TUBB4A: variants seen among roughly 807,000 people sequenced by gnomAD.
TUBB4A encodes tubulin beta-4A chain.
Under a neutral mutation model 35.1 loss-of-function variants are expected in TUBB4A, and 13 were observed. The ratio of observed to expected loss-of-function variants is 0.37; its 90% CI spans 0.24 to 0.59. The LOEUF (loss-of-function observed/expected upper bound fraction) is 0.59, where lower values mean the gene tolerates loss of function less well. Ranked by LOEUF, TUBB4A falls within the 20% of genes least tolerant of loss-of-function variation. The pLI is 0.71. For missense variants in TUBB4A, 299 were observed against 647.2 expected, an observed-to-expected ratio of 0.46 and a Z score of 5.84; for synonymous variants, 279 against 272.4, an observed-to-expected ratio of 1.02 and a Z score of -0.24.
In TUBB4A at chr19:6,502,302, C is replaced by T. The variant is rs951512824; in HGVS notation, c.-90G>A. The T allele has an allele frequency of 2.2e-6, 3 of 1,385,138 alleles. No individual in the cohort carries two copies. Among genetic ancestry groups the T allele is most frequent in the Non-Finnish European group, 1.9e-6 (2 of 1,061,004 alleles). 85.8% of individuals were successfully genotyped at this position (1,385,138 alleles called of 1,614,324 possible). A position where few individuals can be genotyped will look rare whatever the true frequency, so the allele number is the denominator to read the frequency against. On this transcript the variant is annotated 5_prime_UTR_variant, in exon 1 of 4. Transcript: ENST00000264071. ...AGGGTGGAAGATGCGGCGGAGACGG[C>T]GGAGCACGGTCCCTGCGCCCCCGGG...
chr19:6,501,095 TG>T lies in TUBB4A; in HGVS notation c.277+191del. The T allele has an allele frequency of 5.4e-6, 3 of 555,168 alleles. No individual in the cohort carries two copies. Among genetic ancestry groups the T allele is most frequent in the Non-Finnish European group, 9.6e-6 (3 of 313,788 alleles). The allele number at this position is 555,168 out of a possible 1,614,324, so 34.4% of individuals were successfully genotyped here. On this transcript the variant is annotated intron_variant, in intron 3 of 3. Transcript: ENST00000264071. This position sits in a 1 kb window ranked among gnomAD's most constrained non-coding sequence, Gnocchi z 4.2. ...AGGAAGACTTCCCTGAATCCTTCTC[TG>T]TATCCGCCCTCCTCAGGGCTCTCAC...
In TUBB4A at chr19:6,494,491, T is replaced by C. The variant is rs1053377; in HGVS notation, c.*673A>G. ...GGAGGATGCATGGGGCCTGTGGGAA[T>C]CAGAGAGAAGCTGGGGTCAGAGGTA... is the stretch of plus-strand genomic sequence containing the variant. On this transcript the variant is annotated 3_prime_UTR_variant, in exon 4 of 4. Coordinates refer to ENST00000264071, the MANE Select transcript of TUBB4A (RefSeq NM_006087.4). The C allele has an allele frequency of 0.56, 83,810 of 149,538 alleles. 24,583 individuals carry two copies. The highest frequency in any genetic ancestry group is 0.65 in the Non-Finnish European group (44,607 of 68,638). 9.3% of individuals were successfully genotyped at this position (149,538 alleles called of 1,614,324 possible). A position where few individuals can be genotyped will look rare whatever the true frequency, so the allele number is the denominator to read the frequency against.
rs771512160 is a variant in TUBB4A, at chr19:6,501,650, TGA to T, written c.58-29_58-28del. ...TAGAGAGAGAGGTGGTCGGAAGAGTTGAGAGAGGGGAAGCCGGTGGCCAAGCC... is the reference window on the plus strand; with the variant it reads ...TAGAGAGAGAGGTGGTCGGAAGAGTTGAGAGGGGAAGCCGGTGGCCAAGCC... On this transcript the variant is annotated intron_variant, in intron 1 of 3. Coordinates refer to ENST00000264071, the MANE Select transcript of TUBB4A (RefSeq NM_006087.4). This position sits in a 1 kb window ranked among gnomAD's most constrained non-coding sequence, Gnocchi z 4.2. 7 of 1,596,914 alleles carry T rather than the reference TGA, an allele frequency of 4.4e-6. No individual in the cohort carries two copies. The South Asian group carries it at 4.5e-5, about 10-fold the overall frequency.
intron 3 of TUBB4A, among the ~76,000 whole-genome samples, chr19:6,498,354 G>GGT (rs1914366810): frequency 6.6e-6 from 1 of 152,016 alleles, no homozygotes; most frequent in African/African-American, 2.4e-5. Flanking sequence ...CCTCTGTCCT[G>GGT]GTCCCCTGGC....
chr19:6,496,340 T>C lies in TUBB4A; in HGVS notation c.278-119A>G, dbSNP rs114573180. 2,733 of 1,023,306 alleles carry C rather than the reference T, an allele frequency of 2.7e-3. 47 individuals carry two copies. In the African/African-American group the frequency reaches 0.03, roughly 11 times the overall value. The allele number at this position is 1,023,306 out of a possible 1,614,324, so 63.4% of individuals were successfully genotyped here. ...GAATACTAGTAACTATCAAAAATAA[T>C]AACAAATAGCCGGGTGCGGTGGCTC... On this transcript the variant is annotated intron_variant, in intron 3 of 3. Transcript: ENST00000264071.
At chr19:6,496,861 C>CG (rs1914225735) in intron 3 of TUBB4A, among the ~76,000 whole-genome samples, 1 of 145,408 alleles carries the variant, frequency 6.9e-6, no homozygotes, top group Non-Finnish European at 1.5e-5. Context: ...CGCCCCCTGC[C>CG]TAAAAAAAAA....
At chr19:6,502,354 G>C, upstream of TUBB4A, 2 of 927,668 alleles carry the variant, frequency 2.2e-6, no homozygotes, top group Non-Finnish European at 3.0e-6. Context: ...GGCGGGGCAC[G>C]CGTCACGGCC....
intron 3 of TUBB4A, among the ~76,000 whole-genome samples, chr19:6,499,183 C>G (rs540917306): frequency 2.0e-5 from 3 of 152,208 alleles, no homozygotes; most frequent in African/African-American, 7.2e-5. Flanking sequence ...AAAAAATTAG[C>G]TAGGTGTGGT....
rs1268536937 is a variant in TUBB4A at position 6,494,549 on chromosome 19, G to A, written c.*615C>T. ...ACGCTGTGGGGGGTGGGGGGTGAAA[G>A]GTGAGGCAAGGTCAAAGGTGAACTG... On this transcript the variant is annotated 3_prime_UTR_variant, in exon 4 of 4. Coordinates refer to ENST00000264071, the MANE Select transcript of TUBB4A (RefSeq NM_006087.4). 6.4e-6 allele frequency: 1 copy of A among 155,192 alleles called. No homozygotes were observed. The highest frequency in any genetic ancestry group is 1.4e-5 in the Non-Finnish European group (1 of 70,594). The allele number at this position is 155,192 out of a possible 1,614,324, so 9.6% of individuals were successfully genotyped here.
intron 3 of TUBB4A, among the ~76,000 whole-genome samples, chr19:6,499,176 A>G (rs1363345330): frequency 1.3e-5 from 2 of 152,070 alleles, no homozygotes; most frequent in Non-Finnish European, 2.9e-5. Flanking sequence ...AAAATACAAA[A>G]AATTAGCTAG....
chr19:6,498,643 TC>T (rs930743237), intron 3 of TUBB4A, among the ~76,000 whole-genome samples: 2 of 152,076 alleles, frequency 1.3e-5, no homozygotes, highest in African/African-American at 4.8e-5. Context: ...TAGAATGCTT[TC>T]CCCCCAGGTA....
chr19:6,498,104 G>C (rs1171106019), intron 3 of TUBB4A, among the ~76,000 whole-genome samples: 1 of 150,632 alleles, frequency 6.6e-6, no homozygotes. Context: ...TCAGCTACTC[G>C]GGAGGCTGAG....
intron 3 of TUBB4A, chr19:6,500,976 C>G (rs1914502096): frequency 2.9e-6 from 1 of 346,594 alleles, no homozygotes; most frequent in Non-Finnish European, 5.3e-6. Flanking sequence ...TGAGTGCTCA[C>G]TGTTTGTTGA....
chr19:6,501,728 A>C lies in TUBB4A; in HGVS notation c.58-105T>G. ...GCTCCCTAGCTGCCACCTCTCCCCC[A>C]GCAAGGTGAACGGGGGACCTAGAGG... On this transcript the variant is annotated intron_variant, in intron 1 of 3. Transcript: ENST00000264071. The surrounding 1 kb of genome is among the most constrained non-coding windows in gnomAD (Gnocchi z 4.2). The C allele has an allele frequency of 1.1e-6, 1 of 896,958 alleles. No individual in the cohort carries two copies. Among genetic ancestry groups the C allele is most frequent in the African/African-American group, 1.6e-5 (1 of 60,610 alleles). 55.6% of individuals were successfully genotyped at this position (896,958 alleles called of 1,614,324 possible).
Position 6,495,748 on chromosome 19 carries a change from G to A in TUBB4A, c.751C>T (p.Arg251Cys). ...GGAACCATGTTGACGGCCAGCTTGCGCAGGTCGGCGTTCAGCTGGCCCGGG... is the reference window on the plus strand; with the variant it reads ...GGAACCATGTTGACGGCCAGCTTGCACAGGTCGGCGTTCAGCTGGCCCGGG... ...RFPGQLNADLRKLAVNMVPFP... is the reference protein window; with the variant it reads ...RFPGQLNADLCKLAVNMVPFP... The change falls in exon 4 of 4, where the codon CGC (arginine) becomes TGC (cysteine). Residue 251 changes from arginine (R) to cysteine (C), a missense_variant. Physicochemically the swap from Arg to Cys is radical, Grantham distance 180. Around this residue, in one of 5 missense-constraint regions of TUBB4A, gnomAD observed 51 missense variants for 100.3 expected, o/e 0.51. Coordinates refer to ENST00000264071, the MANE Select transcript of TUBB4A (RefSeq NM_006087.4). This position sits in a 1 kb window ranked among gnomAD's most constrained non-coding sequence, Gnocchi z 8.7. The A allele has an allele frequency of 6.2e-7, 1 of 1,614,150 alleles. No homozygotes were observed. Among genetic ancestry groups the A allele is most frequent in the South Asian group, 1.1e-5 (1 of 91,076 alleles).
In TUBB4A at chr19:6,501,213, G is replaced by T; in HGVS notation, c.277+74C>A. On this transcript the variant is annotated intron_variant, in intron 3 of 3. Transcript: ENST00000264071. This position sits in a 1 kb window ranked among gnomAD's most constrained non-coding sequence, Gnocchi z 4.2. ...CATCTCTGGTCTGTGGGCCCCGGTG[G>T]TGGCTGTTGACTCTGTGGTGTTAGC... is the stretch of plus-strand genomic sequence containing the variant. 1 of 1,291,994 alleles carries T rather than the reference G, an allele frequency of 7.7e-7. No individual in the cohort carries two copies. The highest frequency in any genetic ancestry group is 1.1e-6 in the Non-Finnish European group (1 of 917,768). 80.0% of individuals were successfully genotyped at this position (1,291,994 alleles called of 1,614,324 possible).
rs1914537250 is a variant in TUBB4A at position 6,501,628 on chromosome 19, A to G, written c.58-5T>C. The G allele has an allele frequency of 6.2e-7, 1 of 1,612,118 alleles. No homozygotes were observed. Among genetic ancestry groups the G allele is most frequent in the Admixed American group, 1.7e-5 (1 of 59,822 alleles). ...GTCACTGATAACCTCCCAAAACTAG[A>G]GAGAGAGGTGGTCGGAAGAGTTGAG... On this transcript the variant is annotated splice_region_variant and splice_polypyrimidine_tract_variant and intron_variant, in intron 1 of 3. Coordinates refer to ENST00000264071, the MANE Select transcript of TUBB4A (RefSeq NM_006087.4). The surrounding 1 kb of genome is among the most constrained non-coding windows in gnomAD (Gnocchi z 4.2).
In TUBB4A at chr19:6,495,434, G is replaced by A; in HGVS notation, c.1065C>T (p.Asp355=). The A allele has an allele frequency of 6.2e-7, 1 of 1,614,180 alleles. No individual in the cohort carries two copies. The highest frequency in any genetic ancestry group is 8.5e-7 in the Non-Finnish European group (1 of 1,180,036). Residue 355 remains aspartate, a synonymous_variant, in exon 4 of 4, where the codon GAC becomes GAT. Transcript: ENST00000264071. The surrounding 1 kb of genome is among the most constrained non-coding windows in gnomAD (Gnocchi z 8.7). Reference sequence around the variant, plus strand: ...CCATCTTCAGGCCGCGGGGCGGGATGTCGCACACGGCCGTCTTCACGTTGT... The same window carrying A: ...CCATCTTCAGGCCGCGGGGCGGGATATCGCACACGGCCGTCTTCACGTTGT... ...IPNNVKTAVC[D]IPPRGLKMAA...
At position 6,502,243 on chromosome 19, in the gene TUBB4A, G is replaced by C. The variant is rs373565730; in HGVS notation, c.-31C>G. ...TGGCGCTGAGGGTGGACGCGGCGGC[G>C]GTGGCACGAGCGCGGGGAGCTGCGG... On this transcript the variant is annotated 5_prime_UTR_variant, in exon 1 of 4. Coordinates refer to ENST00000264071, the MANE Select transcript of TUBB4A (RefSeq NM_006087.4). 2 of 1,504,260 alleles carry C rather than the reference G, an allele frequency of 1.3e-6. No individual in the cohort carries two copies. The highest frequency in any genetic ancestry group is 1.8e-6 in the Non-Finnish European group (2 of 1,135,006). 93.2% of individuals were successfully genotyped at this position (1,504,260 alleles called of 1,614,324 possible).
Sources: allele counts gnomAD v4.1 joint callset (sites outside exome capture counted in the v4.1 genomes callset), GRCh38; gene constraint gnomAD v4.1.1; regional missense constraint gnomAD v4.1.1; non-coding constraint Gnocchi (gnomAD v3.1); transcripts MANE v1.5; gene names NCBI Gene and HGNC (gene_info 2026-07-23, HGNC 2026-07-21).